MEGF8: variants seen among roughly 807,000 people sequenced by gnomAD.
MEGF8 encodes the protein multiple EGF like domains 8, also known as multiple epidermal growth factor-like domains protein 8.
Under a neutral mutation model 302.9 loss-of-function variants are expected in MEGF8, and 156 were observed. That is an observed-to-expected ratio of 0.52 (90% CI 0.45 to 0.59). The LOEUF (loss-of-function observed/expected upper bound fraction) is 0.59. MEGF8 is among the 20% of genes least tolerant of loss of function. The probability of loss-of-function intolerance (pLI) is 0.00; values close to 1 mark genes in which losing one functional copy is unlikely to be tolerated. For missense variants in MEGF8, 3,345 were observed against 3,964.5 expected, an observed-to-expected ratio of 0.84 and a Z score of 4.20; for synonymous variants, 1,621 against 1,660.5, an observed-to-expected ratio of 0.98 and a Z score of 0.58.
Position 42,369,734 on chromosome 19 carries a change from C to G in MEGF8, c.6834+11C>G, listed in dbSNP as rs369152755. On this transcript the variant is annotated intron_variant, in intron 38 of 41. Coordinates refer to ENST00000251268, the MANE Select transcript of MEGF8 (RefSeq NM_001271938.2). This position sits in a 1 kb window ranked among gnomAD's most constrained non-coding sequence, Gnocchi z 5.7. ...CGCAACCACACCAAGGTGGGCCGCC[C>G]GGAGCCTCAGACCCCCGACCCTGGG... 6.3e-7 allele frequency: 1 copy of G among 1,592,150 alleles called. No homozygotes were observed. Among genetic ancestry groups the G allele is most frequent in the African/African-American group, 1.3e-5 (1 of 74,564 alleles).
chr19:42,372,150 G>C (rs1224514826), intron 41 of MEGF8, among the ~76,000 whole-genome samples: 1 of 152,092 alleles, frequency 6.6e-6, no homozygotes, highest in Non-Finnish European at 1.5e-5. Context: ...TCTGGGGTCT[G>C]CCTTCAGGAC....
chr19:42,329,368 G>T (rs2039026090), intron 1 of MEGF8, among the ~76,000 whole-genome samples: 1 of 152,158 alleles, frequency 6.6e-6, no homozygotes, highest in South Asian at 2.1e-4. Context: ...TAGGGCAGGG[G>T]CTTAGAGGGG....
In MEGF8 at chr19:42,368,687, G is replaced by T; in HGVS notation, c.6481+25G>T. 1.3e-6 allele frequency: 2 copies of T among 1,530,980 alleles called. No individual in the cohort carries two copies. The highest frequency in any genetic ancestry group is 1.8e-6 in the Non-Finnish European group (2 of 1,139,858). The allele number at this position is 1,530,980 out of a possible 1,614,324, so 94.8% of individuals were successfully genotyped here. ...GGTGAGAGGGCTTTGGGCACTGGGG[G>T]AGAGGGGCTGGCCCTTGGTTGGGGT... is the stretch of plus-strand genomic sequence containing the variant. On this transcript the variant is annotated intron_variant, in intron 36 of 41. Coordinates refer to ENST00000251268, the MANE Select transcript of MEGF8 (RefSeq NM_001271938.2). This position sits in a 1 kb window ranked among gnomAD's most constrained non-coding sequence, Gnocchi z 4.9.
chr19:42,356,758 TGCACCCTGG>T lies in MEGF8; in HGVS notation c.4623-15_4623-7del. 6.5e-7 allele frequency: 1 copy of T among 1,537,256 alleles called. No homozygotes were observed. Among genetic ancestry groups the T allele is most frequent in the Admixed American group, 2.0e-5 (1 of 50,174 alleles). ...GATGACTGTAATGAGGCTGCTTTTT[TGCACCCTGG>T]CCCCAGGTACTCAGTGAGTGAGCGG... On this transcript the variant is annotated splice_polypyrimidine_tract_variant and splice_region_variant and intron_variant, in intron 26 of 41. Coordinates refer to ENST00000251268, the MANE Select transcript of MEGF8 (RefSeq NM_001271938.2). This position sits in a 1 kb window ranked among gnomAD's most constrained non-coding sequence, Gnocchi z 5.2.
Position 42,330,011 on chromosome 19 carries a change from C to T in MEGF8, c.187+3581C>T, listed in dbSNP as rs562238066. On this transcript the variant is annotated intron_variant, in intron 1 of 41. Transcript: ENST00000251268. Reference sequence around the variant, plus strand: ...AGGCTGGAGTGCAGTGGCTTGATCTCGGCTCACTGCAGCTTCTGCTTCCCA... The same window carrying T: ...AGGCTGGAGTGCAGTGGCTTGATCTTGGCTCACTGCAGCTTCTGCTTCCCA... 1.8e-4 allele frequency among the ~76,000 whole-genome samples: 27 copies of T among 151,990 alleles called. No individual in the cohort carries two copies. In the East Asian group the frequency reaches 3.3e-3, roughly 19 times the overall value.
rs778751036 is a variant in MEGF8, at chr19:42,356,970, C to A, written c.4819C>A (p.Arg1607=). The change falls in exon 27 of 42, where the codon CGG becomes AGG. Residue 1607 remains arginine (R), a synonymous_variant. Coordinates refer to ENST00000251268, the MANE Select transcript of MEGF8 (RefSeq NM_001271938.2). This position sits in a 1 kb window ranked among gnomAD's most constrained non-coding sequence, Gnocchi z 5.2. The stretch of plus-strand genomic sequence containing the variant: ...CCTCAACCTCACCACCCTGCAATGG[C>A]GGCAGGAGAAGGTGAGCATCTCTCC... ...WVLNLTTLQW[R]QEKAPQTVEL... is the part of the protein sequence containing the mutation. 1.2e-5 allele frequency: 19 copies of A among 1,600,760 alleles called. No homozygotes were observed. Among genetic ancestry groups the A allele is most frequent in the Non-Finnish European group, 1.5e-5 (18 of 1,174,278 alleles).
At chr19:42,350,463 T>TG in intron 15 of MEGF8, 79 bp downstream of exon 15, 4 of 1,271,452 alleles carry the variant, frequency 3.1e-6, no homozygotes, top group Non-Finnish European at 4.2e-6. Flanking sequence ...GAACCCCTGG[T>TG]GGGGGGTGTG....
chr19:42,343,766 G>A (rs2039247878), intron 9 of MEGF8, 135 bp downstream of exon 9: 3 of 1,363,160 alleles, frequency 2.2e-6, no homozygotes, highest in South Asian at 2.9e-5. Context: ...AAGGGAAGGA[G>A]GTCCCTGGGG....
intron 1 of MEGF8, among the ~76,000 whole-genome samples, chr19:42,327,676 GT>G (rs1376614163): frequency 6.6e-6 from 1 of 152,252 alleles, no homozygotes; most frequent in African/African-American, 2.4e-5. Flanking sequence ...TTAACCTGGG[GT>G]ATAGCTGAGA....
Position 42,376,941 on chromosome 19 carries a change from T to G in MEGF8, c.*166T>G. 1 of 666,146 alleles carries G rather than the reference T, an allele frequency of 1.5e-6. No individual in the cohort carries two copies. The highest frequency in any genetic ancestry group is 2.3e-6 in the Non-Finnish European group (1 of 442,132). 41.3% of individuals were successfully genotyped at this position (666,146 alleles called of 1,614,324 possible). ...CCTCCTTTGTTCTGCATTCAGCAGC[T>G]ATTTATCGAGTACCTACTCTGTCAG... On this transcript the variant is annotated 3_prime_UTR_variant, in exon 42 of 42. Coordinates refer to ENST00000251268, the MANE Select transcript of MEGF8 (RefSeq NM_001271938.2). This position sits in a 1 kb window ranked among gnomAD's most constrained non-coding sequence, Gnocchi z 8.2.
At chr19:42,366,448 C>T (rs1419670896) in intron 35 of MEGF8, among the ~76,000 whole-genome samples, 1 of 152,198 alleles carries the variant, frequency 6.6e-6, no homozygotes, top group South Asian at 2.1e-4. Flanking sequence ...ATCCACCTGC[C>T]TCGGCCTCCC....
At chr19:42,328,838 G>A (rs1408142167) in intron 1 of MEGF8, among the ~76,000 whole-genome samples, 2 of 151,892 alleles carry the variant, frequency 1.3e-5, no homozygotes, top group African/African-American at 2.4e-5. Flanking sequence ...GTGACAGAGC[G>A]AGACTCTACC....
Position 42,350,332 on chromosome 19 carries a change from C to G in MEGF8, c.2684C>G (p.Pro895Arg). 6.2e-7 allele frequency: 1 copy of G among 1,606,202 alleles called. No individual in the cohort carries two copies. Among genetic ancestry groups the G allele is most frequent in the Non-Finnish European group, 8.5e-7 (1 of 1,178,820 alleles). The change falls in exon 15 of 42, where the codon CCT (proline) becomes CGT (arginine). Residue 895 changes from proline to arginine, a missense_variant. By Grantham distance (103) the Pro-to-Arg change is moderately radical. Transcript: ENST00000251268. The part of the protein sequence containing the change: ...GAGGSLLVLV[P>R]TLCPLCEEHR... ...GGTGGGTCCCTGCTGGTGCTGGTGC[C>G]TACCCTCTGCCCACTCTGCGAGGAG...
Position 42,356,905 on chromosome 19 carries a change from G to A in MEGF8, c.4754G>A (p.Gly1585Glu). Reference sequence around the variant, plus strand: ...GGCCGTGGTGCCATGTATCTGCTGGGGGGACTTACCGCTGGAGGCGTCACC... The same window carrying A: ...GGCCGTGGTGCCATGTATCTGCTGGAGGGACTTACCGCTGGAGGCGTCACC... ...PAGRGAMYLL[G>E]GLTAGGVTRD... Residue 1585 changes from glycine (G) to glutamate (E), a missense_variant, in exon 27 of 42, where the codon GGG becomes GAG. Physicochemically the swap from Gly to Glu is moderately conservative, Grantham distance 98. Transcript: ENST00000251268. This position sits in a 1 kb window ranked among gnomAD's most constrained non-coding sequence, Gnocchi z 5.2. 1 of 1,609,940 alleles carries A rather than the reference G, an allele frequency of 6.2e-7. No individual in the cohort carries two copies. Among genetic ancestry groups the A allele is most frequent in the Non-Finnish European group, 8.5e-7 (1 of 1,178,372 alleles).
chr19:42,366,033 G>A (rs568434136), intron 35 of MEGF8, among the ~76,000 whole-genome samples: 6 of 150,524 alleles, frequency 4.0e-5, no homozygotes, highest in Admixed American at 2.0e-4. Flanking sequence ...AGTGAACTGA[G>A]ATCGCACCAC....
chr19:42,375,096 G>A lies in MEGF8; in HGVS notation c.7270-411G>A, dbSNP rs1443189279. ...GCACATGATCTCAGTGGTCCTGTGA[G>A]CGAGCCGTGGTTACTCCCTGTGTGC... On this transcript the variant is annotated intron_variant, in intron 41 of 41. Coordinates refer to ENST00000251268, the MANE Select transcript of MEGF8 (RefSeq NM_001271938.2). This position sits in a 1 kb window ranked among gnomAD's most constrained non-coding sequence, Gnocchi z 7.1. Among the ~76,000 whole-genome samples, 1 of 152,224 alleles carries A rather than the reference G, an allele frequency of 6.6e-6. No homozygotes were observed. The highest frequency in any genetic ancestry group is 1.5e-5 in the Non-Finnish European group (1 of 68,036).
At position 42,351,541 on chromosome 19, in the gene MEGF8, T is replaced by G. The variant is rs1216223600; in HGVS notation, c.2968T>G (p.Cys990Gly). The change falls in exon 17 of 42, where the codon TGT becomes GGT. Residue 990 changes from cysteine (C) to glycine (G), a missense_variant. Transcript: ENST00000251268. The surrounding 1 kb of genome is among the most constrained non-coding windows in gnomAD (Gnocchi z 5.6). Reference sequence around the variant, plus strand: ...CTTGGCCCGGTACCCACACGGGGGCTGTCGAGGCTGGGACGACAGGTATGG... The same window carrying G: ...CTTGGCCCGGTACCCACACGGGGGCGGTCGAGGCTGGGACGACAGGTATGG... ...AYLARYPHGG[C>G]RGWDDSVHSE... 3 of 1,609,620 alleles carry G rather than the reference T, an allele frequency of 1.9e-6. No individual in the cohort carries two copies. The highest frequency in any genetic ancestry group is 2.5e-6 in the Non-Finnish European group (3 of 1,178,322).
intron 8 of MEGF8, among the ~76,000 whole-genome samples, chr19:42,341,830 C>T (rs2039219191): frequency 6.6e-6 from 1 of 152,100 alleles, no homozygotes; most frequent in Non-Finnish European, 1.5e-5. Flanking sequence ...ACCTTTCACT[C>T]TCATTAAATC....
In MEGF8 at chr19:42,369,536, C is replaced by G; in HGVS notation, c.6647C>G (p.Thr2216Arg). 1 of 1,606,076 alleles carries G rather than the reference C, an allele frequency of 6.2e-7. No individual in the cohort carries two copies. The highest frequency in any genetic ancestry group is 8.5e-7 in the Non-Finnish European group (1 of 1,177,894). The part of the protein sequence containing the change: ...CKTGYTMDNM[T>R]GLCRPVCAQG... ...CCCCCACTTTGCCCCTGCAGCATGA[C>G]AGGGCTGTGCCGCCCTGTGTGCGCC... The change falls in exon 38 of 42, where the codon ACA (threonine) becomes AGA (arginine). Residue 2216 changes from threonine to arginine, a missense_variant. Physicochemically the swap from Thr to Arg is moderately conservative, Grantham distance 71. Transcript: ENST00000251268. The surrounding 1 kb of genome is among the most constrained non-coding windows in gnomAD (Gnocchi z 5.7).
Sources: allele counts gnomAD v4.1 joint callset (sites outside exome capture counted in the v4.1 genomes callset), GRCh38; gene constraint gnomAD v4.1.1; non-coding constraint Gnocchi (gnomAD v3.1); transcripts MANE v1.5; gene names NCBI Gene and HGNC (gene_info 2026-07-23, HGNC 2026-07-21).